The following COL5A2 variants were observed in gnomAD, a reference collection of about 807,000 sequenced individuals.
The protein encoded by COL5A2 is collagen type V alpha 2 chain, also known as collagen alpha-2(V) chain.
A neutral mutation model predicts 208.2 loss-of-function variants in COL5A2; 23 were observed. The ratio of observed to expected loss-of-function variants is 0.11; its 90% CI spans 0.08 to 0.16. The LOEUF (loss-of-function observed/expected upper bound fraction) is 0.16. COL5A2 is among the 10% of genes least tolerant of loss of function. The probability of loss-of-function intolerance (pLI) is 1.00; values close to 1 mark genes in which losing one functional copy is unlikely to be tolerated. For missense variants in COL5A2, 1,590 were observed against 1,956.4 expected (o/e 0.81, Z 3.53); for synonymous variants, 625 against 628.5 (o/e 0.99, Z 0.08).
the COL5A2 span, among the ~76,000 whole-genome samples, chr2:189,296,928 T>G: frequency 2.0e-5 from 3 of 152,214 alleles, no homozygotes; most frequent in Non-Finnish European, 4.4e-5. Flanking sequence ...TTCCAGTTAT[T>G]GGATTCTGCC....
the COL5A2 span, among the ~76,000 whole-genome samples, chr2:189,395,124 A>G: frequency 6.6e-6 from 1 of 152,220 alleles, no homozygotes; most frequent in African/African-American, 2.4e-5. Context: ...TGCTATTAGA[A>G]TAATGTATTT....
the COL5A2 span, chr2:189,311,348 A>G: frequency 1.0e-6 from 1 of 988,792 alleles, no homozygotes; most frequent in Admixed American, 1.7e-5. Context: ...GATGGTTTGC[A>G]TGGAGTTGCT....
At chr2:189,390,386 C>A in the COL5A2 span, among the ~76,000 whole-genome samples, 1 of 152,160 alleles carries the variant, frequency 6.6e-6, no homozygotes, top group African/African-American at 2.4e-5. Context: ...TGATTGAAAT[C>A]TTTACCAAAA....
chr2:189,078,610 T>A, intron 15 of COL5A2, 41 bp from the exon 16 acceptor site: 1 of 1,526,576 alleles, frequency 6.6e-7, no homozygotes. Context: ...AAGCACCTAA[T>A]TTGAAATGTA....
At chr2:189,098,239 G>T (rs1686962487) in intron 5 of COL5A2, among the ~76,000 whole-genome samples, 1 of 152,184 alleles carries the variant, frequency 6.6e-6, no homozygotes, top group Non-Finnish European at 1.5e-5. Flanking sequence ...ACATTTACAT[G>T]AAGTGTGTGT....
rs1685517073 is a variant in COL5A2, at chr2:189,039,619, T to G, written c.3634-56A>C. Reference sequence around the variant, plus strand: ...ACACATTGTTTTTGTTTTACTTAACTGGTAGAACTTGGTTCATAGGGAGTT... The same window carrying G: ...ACACATTGTTTTTGTTTTACTTAACGGGTAGAACTTGGTTCATAGGGAGTT... On this transcript the variant is annotated intron_variant, in intron 50 of 53. Coordinates refer to ENST00000374866, the MANE Select transcript of COL5A2 (RefSeq NM_000393.5). 5.2e-6 allele frequency: 8 copies of G among 1,541,412 alleles called. No individual in the cohort carries two copies. The South Asian group carries it at 9.3e-5, about 18-fold the overall frequency.
chr2:189,184,987 A>C (rs1056608816), intron 1 of COL5A2, among the ~76,000 whole-genome samples: 1 of 152,152 alleles, frequency 6.6e-6, no homozygotes, highest in African/African-American at 2.4e-5. Flanking sequence ...GAAATCAACA[A>C]AGCGTTGTTA....
At chr2:189,054,918 C>G (rs1559081646) in intron 35 of COL5A2, among the ~76,000 whole-genome samples, 1 of 151,284 alleles carries the variant, frequency 6.6e-6, no homozygotes, top group Non-Finnish European at 1.5e-5. Flanking sequence ...GAGTCTCGCT[C>G]TGTCGCCTAG....
intron 53 of COL5A2, among the ~76,000 whole-genome samples, 164 bp downstream of exon 53, chr2:189,034,752 T>G (rs1482966909): frequency 6.6e-6 from 1 of 152,182 alleles, no homozygotes; most frequent in Non-Finnish European, 1.5e-5. Flanking sequence ...TCATGCTTCA[T>G]GTGCTAACAC....
intron 1 of COL5A2, among the ~76,000 whole-genome samples, chr2:189,167,904 T>G (rs1276485506): frequency 6.6e-6 from 1 of 151,786 alleles, no homozygotes; most frequent in Non-Finnish European, 1.5e-5. Flanking sequence ...TGCTCTTCAT[T>G]CATCAGCCTC....
chr2:189,282,433 A>G, the COL5A2 span, among the ~76,000 whole-genome samples: 1 of 152,168 alleles, frequency 6.6e-6, no homozygotes, highest in East Asian at 1.9e-4. Context: ...ATAGTATAAA[A>G]CAAGTAGAAA....
chr2:189,337,175 A>ATTTTTTTTTTTTTTTTTTTTTTTT, the COL5A2 span, among the ~76,000 whole-genome samples: 1 of 141,920 alleles, frequency 7.0e-6, no homozygotes. Flanking sequence ...TTTTGACATC[A>ATTTTTTTTTTTTTTTTTTTTTTTT]TTTTTTTTTT....
intron 1 of COL5A2, among the ~76,000 whole-genome samples, chr2:189,140,680 T>G (rs895143404): frequency 6.6e-6 from 1 of 152,180 alleles, no homozygotes; most frequent in Admixed American, 6.5e-5. Flanking sequence ...TCCCCTCCCC[T>G]TCTTTTTATT....
At chr2:189,309,141 C>G in the COL5A2 span, among the ~76,000 whole-genome samples, 1 of 152,140 alleles carries the variant, frequency 6.6e-6, no homozygotes, top group Admixed American at 6.5e-5. Context: ...ACAACCTCAT[C>G]GAGAATGTCA....
chr2:189,346,513 C>T, the COL5A2 span, among the ~76,000 whole-genome samples: 102 of 151,982 alleles, frequency 6.7e-4, no homozygotes, highest in Admixed American at 3.0e-3. Context: ...AAGCCCAAAT[C>T]AAAAAAGCAT....
At chr2:189,420,083 AGAAGGAAG>A in the COL5A2 span, among the ~76,000 whole-genome samples, 12 of 139,662 alleles carry the variant, frequency 8.6e-5, no homozygotes, top group Admixed American at 4.5e-4. Flanking sequence ...GGAGGGAGGG[AGAAGGAAG>A]GAAGGAAGGA....
At chr2:189,047,251 G>A (rs531171979) in intron 45 of COL5A2, among the ~76,000 whole-genome samples, 1 of 152,232 alleles carries the variant, frequency 6.6e-6, no homozygotes, top group South Asian at 2.1e-4. Flanking sequence ...GAGATTTACC[G>A]ATTTTCATAA....
At chr2:189,173,345 T>C (rs1688611149) in intron 1 of COL5A2, among the ~76,000 whole-genome samples, 2 of 152,190 alleles carry the variant, frequency 1.3e-5, no homozygotes, top group Non-Finnish European at 2.9e-5. Flanking sequence ...TTATACATTG[T>C]TTCTTAGTGA....
upstream of COL5A2, among the ~76,000 whole-genome samples, chr2:189,228,169 T>C (rs1186526151): frequency 1.3e-5 from 2 of 151,754 alleles, no homozygotes; most frequent in African/African-American, 4.8e-5. Context: ...CAAAAGCAAT[T>C]CTGAAGGAAG....
Sources: allele counts gnomAD v4.1 joint callset (sites outside exome capture counted in the v4.1 genomes callset), GRCh38; gene constraint gnomAD v4.1.1; transcripts MANE v1.5; gene names NCBI Gene and HGNC (gene_info 2026-07-23, HGNC 2026-07-21).